The following RRM2 variants were observed in gnomAD, a reference collection of about 807,000 sequenced individuals.
RRM2 encodes ribonucleoside-diphosphate reductase subunit M2.
In RRM2, 6 loss-of-function variants were observed where a neutral mutation model predicts 45.9. The ratio of observed to expected loss-of-function variants is 0.13; its 90% confidence interval spans 0.07 to 0.26. RRM2 has a LOEUF of 0.26. Ranked by LOEUF, RRM2 falls within the 10% of genes least tolerant of loss-of-function variation. The pLI, the probability that RRM2 is intolerant of heterozygous loss-of-function variation, is 1.00. For missense variants in RRM2, 343 were observed against 489.5 expected (o/e 0.70, Z 2.82); for synonymous variants, 177 against 173.0 (o/e 1.02, Z -0.18).
chr2:10,158,859 C>G (rs1663492603), intron 3 of RRM2, among the ~76,000 whole-genome samples: 1 of 152,124 alleles, frequency 6.6e-6, no homozygotes, highest in South Asian at 2.1e-4. Flanking sequence ...GGTTGGTCAG[C>G]TGGTCAGCTA....
chr2:10,138,943 A>G (rs1341990546), upstream of RRM2, among the ~76,000 whole-genome samples: 1 of 152,084 alleles, frequency 6.6e-6, no homozygotes, highest in Non-Finnish European at 1.5e-5. Context: ...CCCCATCTCT[A>G]CTAAGAATAC....
At chr2:10,135,127 A>G (rs1383435267), downstream of RRM2, among the ~76,000 whole-genome samples, 2 of 152,346 alleles carry the variant, frequency 1.3e-5, no homozygotes, top group East Asian at 3.9e-4. Flanking sequence ...TCACATCCCC[A>G]AGCCAAAATA....
chr2:10,137,282 A>C (rs912111770), upstream of RRM2, among the ~76,000 whole-genome samples: 1 of 152,192 alleles, frequency 6.6e-6, no homozygotes, highest in Non-Finnish European at 1.5e-5. Context: ...CCCTCACTGC[A>C]TGTGCCCCTC....
rs1048061514 is a variant in RRM2, at chr2:10,209,057, C to CTTTCTTTCTTTCTTTCT, written n.483-1251_483-1250insCTTTCTTTCTTTCTTTT. 2.5e-3 allele frequency among the ~76,000 whole-genome samples: 253 copies of CTTTCTTTCTTTCTTTCT among 102,468 alleles called. 2 individuals are homozygous for CTTTCTTTCTTTCTTTCT. Among genetic ancestry groups the CTTTCTTTCTTTCTTTCT allele is most frequent in the Non-Finnish European group, 3.7e-3 (171 of 45,902 alleles). The allele number at this position is 102,468 out of a possible 152,430, so 67.2% of individuals were successfully genotyped here. On this transcript the variant is annotated intron_variant and non_coding_transcript_variant, in intron 3 of 3. Coordinates refer to the RRM2 transcript ENST00000381786. ...TCTTTCTTTCTTTCTTTCTTTCTTT[C>CTTTCTTTCTTTCTTTCT]TTTTTTTTTTTTTTTTGAGATGAAG...
At chr2:10,150,787 T>C (rs78770162) in intron 3 of RRM2, among the ~76,000 whole-genome samples, 5 of 148,056 alleles carry the variant, frequency 3.4e-5, no homozygotes, top group Non-Finnish European at 6.0e-5. Context: ...TTTTTTTTTT[T>C]TTTGATGTGG....
chr2:10,196,064 G>A (rs1342276404), intron 3 of RRM2, among the ~76,000 whole-genome samples: 1 of 152,148 alleles, frequency 6.6e-6, no homozygotes, highest in Admixed American at 6.5e-5. Context: ...CCACACAGCT[G>A]TTATATGCTG....
chr2:10,197,700 T>C (rs569771886), intron 3 of RRM2, among the ~76,000 whole-genome samples: 181 of 152,260 alleles, frequency 1.2e-3, no homozygotes, highest in Non-Finnish European at 1.9e-3. Context: ...GAAGATAAAG[T>C]CACTTTTGCA....
At chr2:10,139,230 C>T (rs1244452226), upstream of RRM2, among the ~76,000 whole-genome samples, 1 of 152,178 alleles carries the variant, frequency 6.6e-6, no homozygotes, top group Non-Finnish European at 1.5e-5. Context: ...TCCCTGTCTC[C>T]CGTCTGCCGC....
intron 3 of RRM2, among the ~76,000 whole-genome samples, chr2:10,200,464 GCGCGCAAAATATGAGGCC>G (rs1429605917): frequency 0.1 from 9,676 of 93,820 alleles, 2,518 homozygotes; most frequent in East Asian, 0.25. Flanking sequence ...CAGGGACCGC[GCGCGCAAAATATGAGGCC>G]CACAGGCACC....
Position 10,123,455 on chromosome 2 carries a change from C to T in RRM2, c.243C>T (p.Val81=). 6.2e-7 allele frequency: 1 copy of T among 1,614,198 alleles called. No individual in the cohort carries two copies. The highest frequency in any genetic ancestry group is 8.5e-7 in the Non-Finnish European group (1 of 1,180,016). Residue 81 remains valine (V), a synonymous_variant, in exon 3 of 10, where the codon GTC becomes GTT. Coordinates refer to ENST00000304567, the MANE Select transcript of RRM2 (RefSeq NM_001034.4). ...TGAGAGAAAACCCCCGCCGCTTTGT[C>T]ATCTTCCCCATCGAGTACCATGATA... is the stretch of plus-strand genomic sequence containing the variant. ...PLLRENPRRF[V]IFPIEYHDIW...
At chr2:10,198,587 T>C (rs1664464719) in intron 3 of RRM2, 1 of 152,040 alleles carries the variant, frequency 6.6e-6, no homozygotes, top group Admixed American at 6.6e-5. Flanking sequence ...TATTTTTTTT[T>C]GTAGAGATGG....
At chr2:10,125,086 CTT>C (rs1283143032) in intron 5 of RRM2, among the ~76,000 whole-genome samples, 1 of 152,146 alleles carries the variant, frequency 6.6e-6, no homozygotes, top group Non-Finnish European at 1.5e-5. Context: ...GTAAAACCTT[CTT>C]TTGAAAAAAT....
downstream of RRM2, among the ~76,000 whole-genome samples, chr2:10,135,806 A>G (rs921528924): frequency 1.3e-5 from 2 of 152,142 alleles, no homozygotes; most frequent in Non-Finnish European, 2.9e-5. Context: ...CTCTGGGAAA[A>G]CACGATGGTG....
At chr2:10,194,064 T>G (rs1269675289) in intron 3 of RRM2, among the ~76,000 whole-genome samples, 1 of 152,256 alleles carries the variant, frequency 6.6e-6, no homozygotes, top group Non-Finnish European at 1.5e-5. Context: ...TGGAGGAGTT[T>G]GAATAATTCA....
chr2:10,144,054 G>A (rs1017980831), intron 3 of RRM2, among the ~76,000 whole-genome samples: 16 of 152,344 alleles, frequency 1.1e-4, no homozygotes, highest in South Asian at 6.2e-4. Context: ...ATGCATGTCC[G>A]CTCTGCCATC....
At chr2:10,200,126 C>T (rs1307325592) in intron 3 of RRM2, among the ~76,000 whole-genome samples, 1 of 152,174 alleles carries the variant, frequency 6.6e-6, no homozygotes, top group Admixed American at 6.5e-5. Context: ...AACCACCGCA[C>T]CCAGCTGTGG....
Position 10,129,040 on chromosome 2 carries a change from G to T in RRM2, c.904-1G>T, listed in dbSNP as rs551624348. 1 of 1,613,836 alleles carries T rather than the reference G, an allele frequency of 6.2e-7. No homozygotes were observed. The highest frequency in any genetic ancestry group is 1.3e-5 in the African/African-American group (1 of 75,032). On this transcript the variant is annotated splice_acceptor_variant, in intron 8 of 9. Transcript: ENST00000304567. LOFTEE classifies it high-confidence loss of function. This position sits in a 1 kb window ranked among gnomAD's most constrained non-coding sequence, Gnocchi z 4.8. The stretch of plus-strand genomic sequence containing the variant: ...TTCAGAAGCTGTATTTTGGTTCCTA[G>T]GAGTTCCTCACTGAGGCCTTGCCTG...
intron 3 of RRM2, 66 bp downstream of exon 3, chr2:10,123,596 G>A: frequency 1.9e-6 from 3 of 1,563,758 alleles, no homozygotes; most frequent in Non-Finnish European, 2.6e-6. Context: ...AAATGCACTT[G>A]GAGGTTCCCG....
chr2:10,179,358 G>T (rs1262687231), intron 3 of RRM2, among the ~76,000 whole-genome samples: 1 of 152,034 alleles, frequency 6.6e-6, no homozygotes, highest in East Asian at 1.9e-4. Context: ...CACCACGTTG[G>T]CCAGGCTGGT....
Sources: gnomAD v4.1 joint callset for allele counts (sites outside exome capture counted in the v4.1 genomes callset) on GRCh38, gnomAD v4.1.1 for gene constraint, Gnocchi (gnomAD v3.1) non-coding constraint, MANE v1.5 for transcripts, NCBI Gene and HGNC (gene_info 2026-07-23, HGNC 2026-07-21) for gene names.